Variants in SYTL5 observed in about 807,000 individuals in gnomAD.
The protein encoded by SYTL5 is synaptotagmin like 5, also known as synaptotagmin-like protein 5.
In SYTL5, 34 loss-of-function variants were observed where a neutral mutation model predicts 55.9. The ratio of observed to expected loss-of-function variants is 0.61; its 90% CI spans 0.46 to 0.81. The LOEUF is 0.81. Among genes scored for constraint, SYTL5 ranks in the 30% least tolerant of loss-of-function variants. The pLI is 0.00. For synonymous variants in SYTL5, 221 were observed against 188.7 expected (o/e 1.17, Z -1.40); for missense variants, 637 against 546.7 (o/e 1.17, Z -1.65).
the SYTL5 span, among the ~76,000 whole-genome samples, chrX:37,957,211 T>C: frequency 9.0e-6 from 1 of 111,324 alleles, no homozygotes; most frequent in African/African-American, 3.3e-5. Flanking sequence ...TAGTTCGCAA[T>C]TTTTTTTCTC....
At chrX:37,893,656 TAA>T in the SYTL5 span, among the ~76,000 whole-genome samples, 1 of 79,074 alleles carries the variant, frequency 1.3e-5, no homozygotes, top group African/African-American at 5.3e-5. Context: ...TAATTATATA[TAA>T]AATCTATATA....
At chrX:37,895,452 C>CCTTCCTTT in the SYTL5 span, among the ~76,000 whole-genome samples, 4 of 93,626 alleles carry the variant, frequency 4.3e-5, no homozygotes, top group African/African-American at 2.1e-4. Flanking sequence ...TTCCTTCCTT[C>CCTTCCTTT]CTTCCCTCCC....
chrX:38,058,548 C>T (rs987441760), intron 3 of SYTL5, among the ~76,000 whole-genome samples: 1 of 109,945 alleles, frequency 9.1e-6, no homozygotes, highest in African/African-American at 3.3e-5. Context: ...CTTTATTTCA[C>T]TCTTAATTTT....
the SYTL5 span, among the ~76,000 whole-genome samples, chrX:37,917,216 A>AT: frequency 9.0e-6 from 1 of 111,537 alleles, no homozygotes; most frequent in East Asian, 2.8e-4. Flanking sequence ...ATAAAGTCAC[A>AT]TTTTTTTCTC....
chrX:38,005,990 C>T, upstream of SYTL5, among the ~76,000 whole-genome samples: 1 of 111,957 alleles, frequency 8.9e-6, no homozygotes, highest in East Asian at 2.8e-4. Flanking sequence ...TGAGCAATCA[C>T]ATACTGTTAC....
At chrX:37,907,984 G>T in the SYTL5 span, among the ~76,000 whole-genome samples, 1 of 110,646 alleles carries the variant, frequency 9.0e-6, no homozygotes, top group Non-Finnish European at 1.9e-5. Context: ...GGGCGCAGTA[G>T]CATGTGCCTG....
At position 38,120,549 on chromosome X, in the gene SYTL5, T is replaced by C. The variant is rs1211103436; in HGVS notation, c.1705+83T>C. On this transcript the variant is annotated intron_variant, in intron 14 of 16. Transcript: ENST00000297875. ...TGGGACTCAGGGATTGGTTGCATTATATTTCTTTCATATTACACAAACAAA... is the reference window on the plus strand; with the variant it reads ...TGGGACTCAGGGATTGGTTGCATTACATTTCTTTCATATTACACAAACAAA... The C allele has an allele frequency of 5.4e-6, 4 of 742,234 alleles. No individual in the cohort carries two copies. In the African/African-American group the frequency reaches 6.3e-5, roughly 12 times the overall value. The allele number at this position is 742,234 out of a possible 1,213,427, so 61.2% of individuals were successfully genotyped here.
chrX:38,028,283 A>G (rs1224942429), intron 1 of SYTL5, among the ~76,000 whole-genome samples: 1 of 112,434 alleles, frequency 8.9e-6, no homozygotes, highest in Non-Finnish European at 1.9e-5. Flanking sequence ...TCTACAAATC[A>G]AGTTTGATTC....
the SYTL5 span, among the ~76,000 whole-genome samples, chrX:37,926,807 T>C: frequency 8.9e-6 from 1 of 112,375 alleles, no homozygotes; most frequent in South Asian, 3.7e-4. Flanking sequence ...CATGATTTCA[T>C]ATTTTAAATT....
rs964416927 is a variant in SYTL5, at chrX:38,100,011, G to T, written c.1063-2331G>T. Among the ~76,000 whole-genome samples the T allele has an allele frequency of 1.7e-4, 19 of 111,226 alleles. No homozygotes were observed. In the Admixed American group the frequency reaches 1.8e-3, roughly 11 times the overall value. On this transcript the variant is annotated intron_variant, in intron 9 of 16. Coordinates refer to ENST00000297875, the MANE Select transcript of SYTL5 (RefSeq NM_138780.3). ...ACTTTTGCATCTATGGTTTATCATG[G>T]ATATTGGCCTGCAATTTTCCCTTTT...
chrX:37,892,437 G>A, the SYTL5 span, among the ~76,000 whole-genome samples: 1 of 102,041 alleles, frequency 9.8e-6, no homozygotes, highest in Admixed American at 1.1e-4. Flanking sequence ...TTTGCTATAA[G>A]TTTGAATAAC....
At chrX:38,046,726 G>A (rs142285798) in intron 2 of SYTL5, among the ~76,000 whole-genome samples, 18 of 111,843 alleles carry the variant, frequency 1.6e-4, no homozygotes, top group African/African-American at 5.5e-4. Flanking sequence ...AAAGTCTGCA[G>A]TCCAAAGTCT....
In SYTL5 at chrX:38,085,137, T is replaced by TA. The variant is rs1288308584; in HGVS notation, c.690-4298dup. Among the ~76,000 whole-genome samples, 577 of 105,825 alleles carry TA rather than the reference T, an allele frequency of 5.5e-3. 2 individuals carry two copies. Among genetic ancestry groups the TA allele is most frequent in the African/African-American group, 0.018 (537 of 29,226 alleles). 91.9% of individuals were successfully genotyped at this position (105,825 alleles called of 115,157 possible). On this transcript the variant is annotated intron_variant, in intron 6 of 16. Transcript: ENST00000297875. Reference sequence around the variant, plus strand: ...TCTTTTCATGTCAGTACTGTTGAATTAAAAAAAAAAATAGTGGTAGAAGCA... The same window carrying TA: ...TCTTTTCATGTCAGTACTGTTGAATTAAAAAAAAAAAATAGTGGTAGAAGCA...
At chrX:38,101,099 T>C (rs1329244341) in intron 9 of SYTL5, among the ~76,000 whole-genome samples, 3 of 111,520 alleles carry the variant, frequency 2.7e-5, no homozygotes, top group Admixed American at 9.5e-5. Flanking sequence ...ATATATAGCA[T>C]TTAATTACAT....
At chrX:37,910,396 G>C in the SYTL5 span, among the ~76,000 whole-genome samples, 1 of 112,100 alleles carries the variant, frequency 8.9e-6, no homozygotes, top group East Asian at 2.8e-4. Context: ...CCTCATCAAA[G>C]GCCTTATCTC....
At chrX:37,921,293 T>C in the SYTL5 span, among the ~76,000 whole-genome samples, 2 of 111,574 alleles carry the variant, frequency 1.8e-5, no homozygotes, top group South Asian at 3.8e-4. Context: ...TATATGAAAC[T>C]GTCTTTCCTG....
chrX:38,065,605 A>G (rs1281193089), intron 3 of SYTL5, among the ~76,000 whole-genome samples: 1 of 111,778 alleles, frequency 8.9e-6, no homozygotes, highest in African/African-American at 3.3e-5. Flanking sequence ...GCTACTTTTA[A>G]GATGTTCCCT....
chrX:37,991,019 T>A, the SYTL5 span: 1 of 1,210,183 alleles, frequency 8.3e-7, no homozygotes, highest in African/African-American at 1.7e-5. Flanking sequence ...TCGATTGCCT[T>A]GCTGACTACA....
At chrX:38,027,771 C>G (rs758354573) in intron 1 of SYTL5, among the ~76,000 whole-genome samples, 2 of 110,342 alleles carry the variant, frequency 1.8e-5, no homozygotes, top group African/African-American at 6.6e-5. Context: ...TTTTTTAAAG[C>G]CAAGCCCAGC....
Sources: gnomAD v4.1 joint callset for allele counts (sites outside exome capture counted in the v4.1 genomes callset) on GRCh38, gnomAD v4.1.1 for gene constraint, MANE v1.5 for transcripts, NCBI Gene and HGNC (gene_info 2026-07-23, HGNC 2026-07-21) for gene names.